Variants in PRKN observed in about 807,000 individuals in gnomAD.
PRKN encodes the protein E3 ubiquitin-protein ligase parkin.
In PRKN, 56 loss-of-function variants were observed where a neutral mutation model predicts 59.5. That is an observed-to-expected ratio of 0.94 (90% confidence interval 0.76 to 1.18). The LOEUF (loss-of-function observed/expected upper bound fraction) is 1.18. Among genes scored for constraint, PRKN ranks in the 50% most tolerant of loss-of-function variants. The pLI is 0.00. For synonymous variants in PRKN, 250 were observed against 222.1 expected, an observed-to-expected ratio of 1.13 and a Z score of -1.12; for missense variants, 657 against 596.4, an observed-to-expected ratio of 1.10 and a Z score of -1.06.
chr6:161,647,564 C>T (rs1434236114), intron 7 of PRKN, among the ~76,000 whole-genome samples: 1 of 151,618 alleles, frequency 6.6e-6, no homozygotes, highest in Admixed American at 6.6e-5. Flanking sequence ...TGGGTATGGG[C>T]CCATACTCAG....
chr6:161,736,688 T>C (rs4708927), intron 7 of PRKN, among the ~76,000 whole-genome samples: 42,843 of 152,020 alleles, frequency 0.28, 6,136 homozygotes, highest in Admixed American at 0.35. Flanking sequence ...AACCCAAGAT[T>C]CCTAAGACAT....
At chr6:161,443,186 T>C (rs2115094822) in intron 9 of PRKN, among the ~76,000 whole-genome samples, 1 of 152,106 alleles carries the variant, frequency 6.6e-6, no homozygotes, top group South Asian at 2.1e-4. Flanking sequence ...GGTGCATGCC[T>C]GTAATCCCAG....
chr6:162,593,066 C>T (rs755624310), intron 1 of PRKN, among the ~76,000 whole-genome samples: 2 of 152,004 alleles, frequency 1.3e-5, no homozygotes, highest in Admixed American at 6.6e-5. Flanking sequence ...CTGCTGGATA[C>T]GATGTCAGCT....
At chr6:161,795,228 C>CTTTTTTTTTTTTTTTT (rs58319044) in intron 6 of PRKN, among the ~76,000 whole-genome samples, 2 of 128,426 alleles carry the variant, frequency 1.6e-5, no homozygotes, top group Admixed American at 8.3e-5. Flanking sequence ...GTTTTCTTTT[C>CTTTTTTTTTTTTTTTT]TTTTTTTTTT....
chr6:162,246,373 T>C (rs1055372541), intron 3 of PRKN, among the ~76,000 whole-genome samples: 2 of 152,036 alleles, frequency 1.3e-5, no homozygotes, highest in African/African-American at 2.4e-5. Flanking sequence ...AAAGCAAACC[T>C]ACAACACCTT....
intron 6 of PRKN, among the ~76,000 whole-genome samples, chr6:161,929,024 T>G (rs1053219604): frequency 2.4e-4 from 36 of 152,104 alleles, no homozygotes; most frequent in African/African-American, 8.7e-4. Flanking sequence ...TATAGATATA[T>G]TCACAGCAGC....
intron 2 of PRKN, among the ~76,000 whole-genome samples, chr6:162,397,338 T>C (rs1002273597): frequency 1.3e-5 from 2 of 152,184 alleles, no homozygotes; most frequent in Non-Finnish European, 2.9e-5. Context: ...GATTAAGTCA[T>C]GTCTAGGCCA....
intron 6 of PRKN, among the ~76,000 whole-genome samples, chr6:161,826,532 G>A (rs1290622631): frequency 1.3e-5 from 2 of 152,140 alleles, no homozygotes; most frequent in East Asian, 1.9e-4. Context: ...ATTTGTGGAC[G>A]TCTGCACCCG....
At chr6:162,330,956 A>G (rs549921634) in intron 2 of PRKN, among the ~76,000 whole-genome samples, 1 of 152,294 alleles carries the variant, frequency 6.6e-6, no homozygotes, top group South Asian at 2.1e-4. Flanking sequence ...TCCTTCACTT[A>G]CAAACACATC....
chr6:161,514,024 C>G (rs1051159137), intron 9 of PRKN, among the ~76,000 whole-genome samples: 1 of 151,462 alleles, frequency 6.6e-6, no homozygotes, highest in African/African-American at 2.4e-5. Flanking sequence ...ATTTTAGGAC[C>G]CCAGGAATTA....
intron 6 of PRKN, among the ~76,000 whole-genome samples, chr6:161,858,858 C>CTTTTTTTTTTTTT (rs71544920): frequency 0.01 from 723 of 71,882 alleles, 151 homozygotes; most frequent in Non-Finnish European, 0.015. Context: ...CACAGCTGTA[C>CTTTTTTTTTTTTT]TTTTTTTTTT....
intron 6 of PRKN, among the ~76,000 whole-genome samples, chr6:161,912,861 G>C (rs999794403): frequency 2.0e-5 from 3 of 152,112 alleles, no homozygotes; most frequent in Non-Finnish European, 4.4e-5. Context: ...ATTTTAAAAA[G>C]TAATATGTTA....
intron 2 of PRKN, among the ~76,000 whole-genome samples, chr6:162,293,599 C>T (rs916756171): frequency 6.6e-6 from 1 of 152,176 alleles, no homozygotes. Flanking sequence ...TGCTCTTCCT[C>T]CACCTCAAGC....
Position 161,472,220 on chromosome 6 carries a change from CGTT to C in PRKN, c.1083+76631_1083+76633del, listed in dbSNP as rs888659924. Among the ~76,000 whole-genome samples, 3 of 152,062 alleles carry C rather than the reference CGTT, an allele frequency of 2.0e-5. No individual in the cohort carries two copies. The East Asian group carries it at 5.8e-4, about 29-fold the overall frequency. ...GATTTTAGCTAGATATAAAGAAAAA[CGTT>C]GTAAAAATCAGAACTGTTTGAAAAT... On this transcript the variant is annotated intron_variant, in intron 9 of 11. Coordinates refer to ENST00000366898, the MANE Select transcript of PRKN (RefSeq NM_004562.3).
In PRKN at chr6:161,473,933, T is replaced by C. The variant is rs1042831855; in HGVS notation, c.1083+74921A>G. Among the ~76,000 whole-genome samples the C allele has an allele frequency of 4.6e-5, 7 of 152,162 alleles. No homozygotes were observed. Among genetic ancestry groups the C allele is most frequent in the African/African-American group, 1.2e-4 (5 of 41,452 alleles). Reference sequence around the variant, plus strand: ...GGATGGAGGGCATGACTTGTGTATGTAGACTAGCGGGTTTTCTAATATCAA... The same window carrying C: ...GGATGGAGGGCATGACTTGTGTATGCAGACTAGCGGGTTTTCTAATATCAA... On this transcript the variant is annotated intron_variant, in intron 9 of 11. Coordinates refer to ENST00000366898, the MANE Select transcript of PRKN (RefSeq NM_004562.3). The surrounding 1 kb of genome is among the most constrained non-coding windows in gnomAD (Gnocchi z 4.1).
chr6:162,240,202 C>T (rs1778924801), intron 3 of PRKN, among the ~76,000 whole-genome samples: 1 of 152,024 alleles, frequency 6.6e-6, no homozygotes, highest in East Asian at 1.9e-4. Context: ...AATGAGGAGC[C>T]AGAGAAAAAC....
chr6:161,813,557 A>T (rs773772180), intron 6 of PRKN, among the ~76,000 whole-genome samples: 1 of 152,144 alleles, frequency 6.6e-6, no homozygotes, highest in Non-Finnish European at 1.5e-5. Flanking sequence ...CCTACAGTGC[A>T]CATTTTCTCT....
intron 2 of PRKN, among the ~76,000 whole-genome samples, chr6:162,399,873 C>A (rs953675428): frequency 6.6e-6 from 1 of 152,004 alleles, no homozygotes; most frequent in African/African-American, 2.4e-5. Flanking sequence ...GAAAAAAGAA[C>A]AATGAGCTAA....
chr6:162,283,637 T>C (rs1781028958), intron 2 of PRKN, among the ~76,000 whole-genome samples: 1 of 152,148 alleles, frequency 6.6e-6, no homozygotes, highest in African/African-American at 2.4e-5. Flanking sequence ...TTCTCATGCC[T>C]CAACGTCTGA....
Sources: allele counts gnomAD v4.1 joint callset (sites outside exome capture counted in the v4.1 genomes callset), GRCh38; gene constraint gnomAD v4.1.1; non-coding constraint Gnocchi (gnomAD v3.1); transcripts MANE v1.5; gene names NCBI Gene and HGNC (gene_info 2026-07-23, HGNC 2026-07-21).